ZNF248: variants seen among roughly 807,000 people sequenced by gnomAD.
ZNF248 encodes KRAB protein domain.
ZNF248 carries 20 observed loss-of-function variants against 44.3 expected under a neutral mutation model. The ratio of observed to expected loss-of-function variants is 0.45; its 90% CI spans 0.32 to 0.66. The LOEUF (loss-of-function observed/expected upper bound fraction) is 0.66. Ranked by LOEUF, ZNF248 falls within the 30% of genes least tolerant of loss-of-function variation. The pLI is 0.04. For missense variants in ZNF248, 654 were observed against 677.0 expected (o/e 0.97, Z 0.38); for synonymous variants, 224 against 229.0 (o/e 0.98, Z 0.20).
At chr10:37,840,740 C>A (rs933210282) in intron 3 of ZNF248, among the ~76,000 whole-genome samples, 1 of 152,054 alleles carries the variant, frequency 6.6e-6, no homozygotes, top group African/African-American at 2.4e-5. Context: ...CGAGATTATG[C>A]CACTGCACTC....
chr10:37,786,996 T>TAGGCCAGGCACTTTGGCTC (rs2047948199), intron 6 of ZNF248, among the ~76,000 whole-genome samples: 2 of 152,310 alleles, frequency 1.3e-5, no homozygotes, highest in African/African-American at 4.8e-5. Flanking sequence ...AAGTATACTA[T>TAGGCCAGGCACTTTGGCTC]AGGCCAGGCA....
chr10:37,777,217 G>C (rs1748786296), intron 6 of ZNF248, among the ~76,000 whole-genome samples: 1 of 152,158 alleles, frequency 6.6e-6, no homozygotes, highest in Non-Finnish European at 1.5e-5. Flanking sequence ...AAAGGAACTT[G>C]CCTTGAACCT....
chr10:37,835,302 T>C (rs200923), intron 5 of ZNF248, among the ~76,000 whole-genome samples: 152,109 of 152,272 alleles, frequency 1, 75,974 homozygotes, highest in Middle Eastern at 1. Flanking sequence ...ACAAAGAGAC[T>C]GGTGGGAAAT....
At chr10:37,777,661 A>G (rs1302621115) in intron 6 of ZNF248, among the ~76,000 whole-genome samples, 1 of 144,738 alleles carries the variant, frequency 6.9e-6, no homozygotes, top group Non-Finnish European at 1.5e-5. Flanking sequence ...CATTAGGTAT[A>G]TCTCCCAATG....
At chr10:37,782,938 A>G (rs971000880) in intron 6 of ZNF248, among the ~76,000 whole-genome samples, 6 of 152,180 alleles carry the variant, frequency 3.9e-5, no homozygotes, top group African/African-American at 1.4e-4. Flanking sequence ...TGGCAGCCCC[A>G]GGAAACTAAT....
At chr10:37,793,187 T>C (rs574505125) in intron 6 of ZNF248, among the ~76,000 whole-genome samples, 73 of 151,974 alleles carry the variant, frequency 4.8e-4, no homozygotes, top group East Asian at 9.7e-4. Flanking sequence ...CAAAAAAAAT[T>C]ACCCAGGCAT....
chr10:37,788,518 G>A lies in ZNF248; in HGVS notation c.331-11943C>T, dbSNP rs188053516. On this transcript the variant is annotated intron_variant, in intron 6 of 6. Coordinates refer to the ZNF248 transcript ENST00000615949. ...TGCCTGTAATCCTAGCTACTCAGGAGACTGAGGCAGGAGAATCACTTAAGC... is the reference window on the plus strand; with the variant it reads ...TGCCTGTAATCCTAGCTACTCAGGAAACTGAGGCAGGAGAATCACTTAAGC... 3.3e-5 allele frequency among the ~76,000 whole-genome samples: 5 copies of A among 152,214 alleles called. No homozygotes were observed. The East Asian group carries it at 9.7e-4, about 30-fold the overall frequency.
rs566031674 is a variant in ZNF248 at position 37,819,514 on chromosome 10, A to G, written c.330+13511T>C. 5.8e-5 allele frequency: 65 copies of G among 1,122,562 alleles called. No individual in the cohort carries two copies. In the African/African-American group the frequency reaches 8.0e-4, roughly 14 times the overall value. 69.5% of individuals were successfully genotyped at this position (1,122,562 alleles called of 1,614,324 possible). On this transcript the variant is annotated intron_variant, in intron 6 of 6. Transcript: ENST00000615949. ...TGTAAACTTTACTGAAACCTCCTCTATCCAAAAGATGTAACAACAAATATC... is the reference window on the plus strand; with the variant it reads ...TGTAAACTTTACTGAAACCTCCTCTGTCCAAAAGATGTAACAACAAATATC...
At chr10:37,768,570 C>T in the ZNF248 span, among the ~76,000 whole-genome samples, 1 of 152,090 alleles carries the variant, frequency 6.6e-6, no homozygotes, top group Admixed American at 6.6e-5. Context: ...TCTTTCAAAC[C>T]AACAAGAACA....
intron 6 of ZNF248, among the ~76,000 whole-genome samples, chr10:37,816,005 A>AG (rs1554823684): frequency 2.2e-3 from 333 of 149,338 alleles, no homozygotes; most frequent in Middle Eastern, 6.9e-3. Flanking sequence ...AAAAAAAAAA[A>AG]AGAGAGAGAG....
At position 37,818,529 on chromosome 10, in the gene ZNF248, C is replaced by T. The variant is rs79374558; in HGVS notation, c.330+14496G>A. Reference sequence around the variant, plus strand: ...TCATCAGATCCATTCAGATTCTCTACGTTCCAAACCTGCTGCTAAATGCTA... The same window carrying T: ...TCATCAGATCCATTCAGATTCTCTATGTTCCAAACCTGCTGCTAAATGCTA... On this transcript the variant is annotated intron_variant, in intron 6 of 6. Coordinates refer to the ZNF248 transcript ENST00000615949. 9.6e-3 allele frequency: 2,876 copies of T among 300,038 alleles called. 21 individuals carry two copies. Among genetic ancestry groups the T allele is most frequent in the Middle Eastern group, 0.026 (38 of 1,434 alleles). The allele number at this position is 300,038 out of a possible 1,614,324, so 18.6% of individuals were successfully genotyped here.
At chr10:37,780,385 T>C (rs2031917508) in intron 6 of ZNF248, among the ~76,000 whole-genome samples, 2 of 152,308 alleles carry the variant, frequency 1.3e-5, no homozygotes, top group Non-Finnish European at 1.5e-5. Context: ...ATCTGATCTT[T>C]GACAAACCTG....
chr10:37,823,333 C>CAAAAAAAAA (rs60957023), intron 6 of ZNF248, among the ~76,000 whole-genome samples: 2 of 17,530 alleles, frequency 1.1e-4, no homozygotes, highest in Non-Finnish European at 1.9e-4. Flanking sequence ...ACTCCGTCTC[C>CAAAAAAAAA]AAAAAAAAAA....
the ZNF248 span, among the ~76,000 whole-genome samples, chr10:37,771,435 T>C: frequency 1.3e-5 from 2 of 152,266 alleles, no homozygotes; most frequent in South Asian, 2.1e-4. Context: ...TGGAATTCTA[T>C]GCAGCCATAA....
intron 6 of ZNF248, among the ~76,000 whole-genome samples, chr10:37,808,847 C>G (rs1208689): frequency 0.48 from 72,506 of 151,864 alleles, 17,650 homozygotes; most frequent in East Asian, 0.55. Flanking sequence ...GAAGGCATCA[C>G]GTCTGGGGCA....
At chr10:37,777,566 G>A (rs894673569) in intron 6 of ZNF248, among the ~76,000 whole-genome samples, 5 of 148,396 alleles carry the variant, frequency 3.4e-5, no homozygotes, top group Non-Finnish European at 7.4e-5. Context: ...TAAAGTTTTA[G>A]GGTACATGTG....
intron 6 of ZNF248, among the ~76,000 whole-genome samples, chr10:37,799,753 T>C (rs542621559): frequency 9.8e-5 from 15 of 152,300 alleles, no homozygotes; most frequent in African/African-American, 3.4e-4. Context: ...CATGTAATGA[T>C]AACTGTGGCA....
the ZNF248 span, among the ~76,000 whole-genome samples, chr10:37,766,455 T>C: frequency 6.6e-6 from 1 of 152,082 alleles, no homozygotes; most frequent in Admixed American, 6.5e-5. Context: ...TTCACCAAGA[T>C]CCGCTGTTCT....
chr10:37,790,448 C>T (rs901707924), intron 6 of ZNF248, among the ~76,000 whole-genome samples: 11 of 151,762 alleles, frequency 7.2e-5, no homozygotes, highest in African/African-American at 2.7e-4. Flanking sequence ...CACAGTGGCT[C>T]ACGCCTGTAA....
Sources: allele counts gnomAD v4.1 joint callset (sites outside exome capture counted in the v4.1 genomes callset), GRCh38; gene constraint gnomAD v4.1.1; transcripts MANE v1.5; gene names NCBI Gene and HGNC (gene_info 2026-07-23, HGNC 2026-07-21).